GALNT13: variants seen among roughly 807,000 people sequenced by gnomAD.
GALNT13 encodes UDP-GalNAc:polypeptide N-acetylgalactosaminyltransferase 13.
In GALNT13, 28 loss-of-function variants were observed where a neutral mutation model predicts 64.2. The ratio of observed to expected loss-of-function variants is 0.44; its 90% CI spans 0.32 to 0.60. The LOEUF (loss-of-function observed/expected upper bound fraction) is 0.60, where lower values mean the gene tolerates loss of function less well. Among genes scored for constraint, GALNT13 ranks in the 20% least tolerant of loss-of-function variants. The pLI is 0.05. For synonymous variants in GALNT13, 214 were observed against 224.6 expected (o/e 0.95, Z 0.42); for missense variants, 577 against 669.8 (o/e 0.86, Z 1.53).
At chr2:153,454,617 T>G in the GALNT13 span, among the ~76,000 whole-genome samples, 1 of 152,228 alleles carries the variant, frequency 6.6e-6, no homozygotes, top group Non-Finnish European at 1.5e-5. Flanking sequence ...ACATTACACA[T>G]TACATTTGTC....
the GALNT13 span, among the ~76,000 whole-genome samples, chr2:153,664,473 C>G: frequency 2.0e-5 from 3 of 152,144 alleles, no homozygotes; most frequent in African/African-American, 7.2e-5. Context: ...TTCAAACACA[C>G]AGGTTTTACA....
the GALNT13 span, among the ~76,000 whole-genome samples, chr2:153,797,836 C>A: frequency 6.6e-6 from 1 of 152,142 alleles, no homozygotes; most frequent in African/African-American, 2.4e-5. Flanking sequence ...CTGAAGTATA[C>A]CCATAAGCAG....
intron 2 of GALNT13, among the ~76,000 whole-genome samples, chr2:153,924,628 A>G (rs542726757): frequency 2.6e-5 from 4 of 152,304 alleles, no homozygotes; most frequent in Non-Finnish European, 4.4e-5. Context: ...TCTTTGAGGA[A>G]TTGCCATACT....
chr2:153,727,264 G>A, the GALNT13 span, among the ~76,000 whole-genome samples: 4 of 152,020 alleles, frequency 2.6e-5, no homozygotes, highest in Non-Finnish European at 5.9e-5. Flanking sequence ...TGTGGTTTCT[G>A]GTCTATTTTG....
intron 9 of GALNT13, among the ~76,000 whole-genome samples, chr2:154,392,124 TGAA>T (rs1448122748): frequency 6.6e-6 from 1 of 152,124 alleles, no homozygotes; most frequent in African/African-American, 2.4e-5. Flanking sequence ...GGGGCTAGAA[TGAA>T]GATGTTACTG....
intron 10 of GALNT13, 95 bp from the exon 11 acceptor site, chr2:154,408,889 C>G (rs1043168183): frequency 1.4e-6 from 1 of 736,930 alleles, no homozygotes; most frequent in East Asian, 2.6e-5. Flanking sequence ...TTGTATTATT[C>G]AGTTAACAAT....
intron 3 of GALNT13, among the ~76,000 whole-genome samples, chr2:153,965,812 C>CAAA (rs1693296040): frequency 2.1e-5 from 3 of 140,518 alleles, no homozygotes; most frequent in African/African-American, 8.2e-5. Flanking sequence ...AAAAAAAAAC[C>CAAA]CAAAAACTAA....
At chr2:153,651,119 A>C in the GALNT13 span, among the ~76,000 whole-genome samples, 1 of 152,182 alleles carries the variant, frequency 6.6e-6, no homozygotes, top group East Asian at 1.9e-4. Flanking sequence ...GTACACCTAA[A>C]GTTCTTTAAG....
chr2:153,165,327 C>T, the GALNT13 span, among the ~76,000 whole-genome samples: 2 of 152,220 alleles, frequency 1.3e-5, no homozygotes, highest in Non-Finnish European at 2.9e-5. Flanking sequence ...TGATACCACA[C>T]AGTCTATGCT....
chr2:154,147,354 A>AATAT (rs368415407), intron 4 of GALNT13, among the ~76,000 whole-genome samples: 2 of 147,412 alleles, frequency 1.4e-5, no homozygotes, highest in African/African-American at 2.5e-5. Flanking sequence ...ATTTGAATGG[A>AATAT]ATATATATAT....
chr2:153,657,172 AAG>A, the GALNT13 span, among the ~76,000 whole-genome samples: 1 of 152,132 alleles, frequency 6.6e-6, no homozygotes, highest in Non-Finnish European at 1.5e-5. Flanking sequence ...GGCTCAAACA[AAG>A]AGATAGTCTA....
At chr2:153,093,717 C>T in the GALNT13 span, among the ~76,000 whole-genome samples, 2 of 152,204 alleles carry the variant, frequency 1.3e-5, no homozygotes, top group East Asian at 3.9e-4. Context: ...GTATTCACTC[C>T]TCCTCTAGTT....
intron 8 of GALNT13, among the ~76,000 whole-genome samples, chr2:154,291,492 A>G (rs946330130): frequency 6.6e-6 from 1 of 152,016 alleles, no homozygotes. Context: ...TCTCAATGGC[A>G]CTCGCTGGGG....
At chr2:154,353,999 A>G (rs1469586634) in intron 9 of GALNT13, among the ~76,000 whole-genome samples, 1 of 152,166 alleles carries the variant, frequency 6.6e-6, no homozygotes. Context: ...GACTTCCATA[A>G]TAGCTACACC....
intron 11 of GALNT13, among the ~76,000 whole-genome samples, chr2:154,421,712 A>G (rs547102407): frequency 6.6e-6 from 1 of 152,032 alleles, no homozygotes; most frequent in Non-Finnish European, 1.5e-5. Context: ...TGCATTCTAC[A>G]CTAATTTGAA....
the GALNT13 span, among the ~76,000 whole-genome samples, chr2:153,675,870 T>G: frequency 1.3e-5 from 2 of 151,994 alleles, no homozygotes; most frequent in East Asian, 3.9e-4. Context: ...AAAGCAGTGC[T>G]AAGAGGAAAA....
At chr2:154,394,845 G>C (rs1698981440) in intron 9 of GALNT13, among the ~76,000 whole-genome samples, 1 of 152,186 alleles carries the variant, frequency 6.6e-6, no homozygotes, top group African/African-American at 2.4e-5. Context: ...GGCTGCTTCA[G>C]CATCAGAATG....
the GALNT13 span, among the ~76,000 whole-genome samples, chr2:153,345,619 T>C: frequency 3.5e-5 from 5 of 142,738 alleles, no homozygotes; most frequent in Admixed American, 7.0e-5. Context: ...TTTTCTTTTC[T>C]TTTCTTTTCC....
intron 9 of GALNT13, among the ~76,000 whole-genome samples, chr2:154,332,672 G>A (rs1170378775): frequency 6.6e-6 from 1 of 152,034 alleles, no homozygotes; most frequent in Non-Finnish European, 1.5e-5. Context: ...TATGTGAGCT[G>A]GTTGCCCTGT....
Sources: gnomAD v4.1 joint callset for allele counts (sites outside exome capture counted in the v4.1 genomes callset) on GRCh38, gnomAD v4.1.1 for gene constraint, MANE v1.5 for transcripts, NCBI Gene and HGNC (gene_info 2026-07-23, HGNC 2026-07-21) for gene names.